The following PTPRG variants were observed in gnomAD, a reference collection of about 807,000 sequenced individuals.
PTPRG encodes the protein receptor-type tyrosine-protein phosphatase gamma.
A neutral mutation model predicts 165.3 loss-of-function variants in PTPRG; 102 were observed. That is an observed-to-expected ratio of 0.62 (90% confidence interval 0.53 to 0.73). PTPRG has a LOEUF of 0.73. PTPRG is among the 30% of genes least tolerant of loss of function. The probability of loss-of-function intolerance (pLI) is 0.00; values close to 1 mark genes in which losing one functional copy is unlikely to be tolerated. For missense variants in PTPRG, 1,866 were observed against 1,861.4 expected, an observed-to-expected ratio of 1.00 and a Z score of -0.05; for synonymous variants, 675 against 669.5, an observed-to-expected ratio of 1.01 and a Z score of -0.13.
Position 62,271,252 on chromosome 3 carries a change from A to G in PTPRG, c.3010-131A>G, listed in dbSNP as rs1381140059. 6.9e-6 allele frequency: 5 copies of G among 725,126 alleles called. No homozygotes were observed. The highest frequency in any genetic ancestry group is 3.6e-5 in the African/African-American group (2 of 55,084). 44.9% of individuals were successfully genotyped at this position (725,126 alleles called of 1,614,324 possible). On this transcript the variant is annotated intron_variant, in intron 20 of 29. Coordinates refer to ENST00000474889, the MANE Select transcript of PTPRG (RefSeq NM_002841.4). This position sits in a 1 kb window ranked among gnomAD's most constrained non-coding sequence, Gnocchi z 4.1. ...GGCATGAAAGTTGGCTACAAGGGGG[A>G]ATAACCTAGCCTGGGAACAGTGATT...
intron 1 of PTPRG, among the ~76,000 whole-genome samples, chr3:61,624,297 C>G (rs1358970003): frequency 6.6e-6 from 1 of 152,084 alleles, no homozygotes; most frequent in East Asian, 1.9e-4. Flanking sequence ...CTTCTGAGTC[C>G]TTGTATTATT....
intron 4 of PTPRG, among the ~76,000 whole-genome samples, chr3:62,009,730 C>T (rs1481011762): frequency 6.6e-6 from 1 of 152,162 alleles, no homozygotes; most frequent in Non-Finnish European, 1.5e-5. Context: ...GTGCCACCCT[C>T]TCCACACTGA....
intron 14 of PTPRG, among the ~76,000 whole-genome samples, chr3:62,241,002 T>C (rs887228694): frequency 5.9e-5 from 9 of 152,186 alleles, no homozygotes; most frequent in African/African-American, 1.9e-4. Flanking sequence ...TCACTGCAGA[T>C]AGATCAAGGA....
intron 2 of PTPRG, among the ~76,000 whole-genome samples, chr3:61,860,291 T>G (rs2037224916): frequency 1.3e-5 from 2 of 152,162 alleles, no homozygotes; most frequent in African/African-American, 4.8e-5. Flanking sequence ...TAATGAGAAT[T>G]GATTTTGTCC....
chr3:62,184,356 C>G (rs1705784328), intron 8 of PTPRG, among the ~76,000 whole-genome samples: 1 of 152,136 alleles, frequency 6.6e-6, no homozygotes, highest in African/African-American at 2.4e-5. Context: ...ATGGGGGAGG[C>G]AACACCCCAA....
chr3:62,120,687 T>G (rs966962300), intron 5 of PTPRG, among the ~76,000 whole-genome samples: 1 of 150,652 alleles, frequency 6.6e-6, no homozygotes, highest in Non-Finnish European at 1.5e-5. Flanking sequence ...GAGGTGGAGG[T>G]TGTAGTGAGC....
intron 2 of PTPRG, among the ~76,000 whole-genome samples, chr3:61,833,147 T>G (rs1298113250): frequency 6.6e-6 from 1 of 151,888 alleles, no homozygotes; most frequent in African/African-American, 2.4e-5. Context: ...CTCGTTCTCC[T>G]TCTTTTTATT....
In PTPRG at chr3:62,189,529, C is replaced by T. The variant is rs143941829; in HGVS notation, c.1034-1940C>T. Among the ~76,000 whole-genome samples the T allele has an allele frequency of 8.5e-5, 13 of 152,308 alleles. No homozygotes were observed. In the East Asian group the frequency reaches 1.4e-3, roughly 16 times the overall value. ...CCAGCACGCCCGCTTACTTCTTACC[C>T]GGTTCCTGCACCCAAACCAGAAGGT... is the stretch of plus-strand genomic sequence containing the variant. On this transcript the variant is annotated intron_variant, in intron 8 of 29. Coordinates refer to ENST00000474889, the MANE Select transcript of PTPRG (RefSeq NM_002841.4).
chr3:61,943,101 C>G (rs1354339311), intron 2 of PTPRG, among the ~76,000 whole-genome samples: 1 of 152,142 alleles, frequency 6.6e-6, no homozygotes, highest in African/African-American at 2.4e-5. Context: ...GTTTTCATGA[C>G]AACTTTTTTT....
Position 62,151,581 on chromosome 3 carries a change from G to A in PTPRG, c.683-5486G>A, listed in dbSNP as rs537336815. On this transcript the variant is annotated intron_variant, in intron 6 of 29. Coordinates refer to ENST00000474889, the MANE Select transcript of PTPRG (RefSeq NM_002841.4). ...GCATACAGCACCCGGGATCCTTGAA[G>A]GTGGAATACGAGATGCATTTCTTTT... is the stretch of plus-strand genomic sequence containing the variant. Among the ~76,000 whole-genome samples the A allele has an allele frequency of 4.0e-5, 6 of 150,888 alleles. No homozygotes were observed. In the South Asian group the frequency reaches 1.1e-3, roughly 27 times the overall value.
intron 1 of PTPRG, among the ~76,000 whole-genome samples, chr3:61,640,698 G>A (rs1264567971): frequency 6.6e-6 from 1 of 152,180 alleles, no homozygotes; most frequent in Non-Finnish European, 1.5e-5. Context: ...GGACTTTCAG[G>A]TTTAAAGAAA....
chr3:61,612,909 T>C lies in PTPRG; in HGVS notation c.85+50537T>C, dbSNP rs146316823. Reference sequence around the variant, plus strand: ...TGTGTGCGCACTTGTAATCTTTTGGTAGAACAGCCTTTGTTGTGAACCAGA... The same window carrying C: ...TGTGTGCGCACTTGTAATCTTTTGGCAGAACAGCCTTTGTTGTGAACCAGA... On this transcript the variant is annotated intron_variant, in intron 1 of 29. Coordinates refer to ENST00000474889, the MANE Select transcript of PTPRG (RefSeq NM_002841.4). 1.7e-3 allele frequency among the ~76,000 whole-genome samples: 261 copies of C among 151,956 alleles called. 3 individuals are homozygous for C. The highest frequency in any genetic ancestry group is 6.1e-3 in the African/African-American group (252 of 41,456).
chr3:62,117,507 A>G (rs143796894), intron 5 of PTPRG, among the ~76,000 whole-genome samples: 1 of 152,288 alleles, frequency 6.6e-6, no homozygotes, highest in Non-Finnish European at 1.5e-5. Flanking sequence ...TGTGATGTTT[A>G]CAGGTATGGT....
intron 1 of PTPRG, among the ~76,000 whole-genome samples, chr3:61,703,972 T>C (rs559101827): frequency 6.4e-4 from 98 of 152,300 alleles, no homozygotes; most frequent in Admixed American, 2.7e-3. Context: ...AAATAACTTA[T>C]CTTTGTGGAC....
At chr3:61,672,717 G>A (rs1335045475) in intron 1 of PTPRG, among the ~76,000 whole-genome samples, 1 of 139,218 alleles carries the variant, frequency 7.2e-6, no homozygotes, top group Non-Finnish European at 1.5e-5. Flanking sequence ...TGGAAAGAGA[G>A]GGAGAGGGAG....
chr3:62,118,911 T>A (rs1365673564), intron 5 of PTPRG, among the ~76,000 whole-genome samples: 1 of 152,196 alleles, frequency 6.6e-6, no homozygotes, highest in African/African-American at 2.4e-5. Context: ...CTGATTAAAG[T>A]CTTCTTTTAG....
intron 2 of PTPRG, among the ~76,000 whole-genome samples, chr3:61,845,770 A>G (rs1355408878): frequency 1.3e-5 from 2 of 152,204 alleles, no homozygotes; most frequent in African/African-American, 4.8e-5. Context: ...ATAAGCATGT[A>G]TATTAATAAG....
At chr3:61,627,411 C>A (rs1343389955) in intron 1 of PTPRG, among the ~76,000 whole-genome samples, 1 of 152,086 alleles carries the variant, frequency 6.6e-6, no homozygotes, top group African/African-American at 2.4e-5. Flanking sequence ...GTTGGAAATA[C>A]AATAGAAAGT....
intron 1 of PTPRG, among the ~76,000 whole-genome samples, chr3:61,647,349 C>T (rs771278117): frequency 6.6e-6 from 1 of 152,154 alleles, no homozygotes; most frequent in Non-Finnish European, 1.5e-5. Context: ...AAGCACCATA[C>T]ACATACTATC....
Sources: allele counts gnomAD v4.1 joint callset (sites outside exome capture counted in the v4.1 genomes callset), GRCh38; gene constraint gnomAD v4.1.1; non-coding constraint Gnocchi (gnomAD v3.1); transcripts MANE v1.5; gene names NCBI Gene and HGNC (gene_info 2026-07-23, HGNC 2026-07-21).